The following ARHGAP15 variants were observed in gnomAD, a reference collection of about 807,000 sequenced individuals.
ARHGAP15 encodes rho GTPase-activating protein 15.
A neutral mutation model predicts 63.7 loss-of-function variants in ARHGAP15; 51 were observed. The ratio of observed to expected loss-of-function variants is 0.80; its 90% CI spans 0.64 to 1.01. The LOEUF is 1.01. Among genes scored for constraint, ARHGAP15 ranks in the 50% least tolerant of loss-of-function variants. ARHGAP15 has a pLI of 0.00. For synonymous variants in ARHGAP15, 191 were observed against 193.8 expected, an observed-to-expected ratio of 0.99 and a Z score of 0.12; for missense variants, 560 against 564.6, an observed-to-expected ratio of 0.99 and a Z score of 0.08.
intron 1 of ARHGAP15, among the ~76,000 whole-genome samples, chr2:143,144,168 T>C (rs932635426): frequency 6.6e-6 from 1 of 152,056 alleles, no homozygotes; most frequent in Non-Finnish European, 1.5e-5. Flanking sequence ...CTATTGTTGA[T>C]GGGCATTTAG....
intron 1 of ARHGAP15, among the ~76,000 whole-genome samples, chr2:143,141,305 G>T (rs901895822): frequency 6.6e-6 from 1 of 152,076 alleles, no homozygotes; most frequent in South Asian, 2.1e-4. Flanking sequence ...ACCAATTTCA[G>T]TACTAATTCT....
chr2:143,163,927 G>A (rs1352936225), intron 2 of ARHGAP15, among the ~76,000 whole-genome samples: 1 of 152,058 alleles, frequency 6.6e-6, no homozygotes, highest in East Asian at 1.9e-4. Context: ...GCTCCTCAGA[G>A]AGTGCAGGAG....
At position 143,591,307 on chromosome 2, in the gene ARHGAP15, A is replaced by G. The variant is rs145934955; in HGVS notation, c.1004-32826A>G. Among the ~76,000 whole-genome samples the G allele has an allele frequency of 2.3e-3, 348 of 152,272 alleles. 3 individuals carry two copies. Among genetic ancestry groups the G allele is most frequent in the African/African-American group, 7.8e-3 (326 of 41,564 alleles). On this transcript the variant is annotated intron_variant, in intron 11 of 13. Coordinates refer to ENST00000295095, the MANE Select transcript of ARHGAP15 (RefSeq NM_018460.4). ...AAAATTTTCAAAACATATGCATTAA[A>G]TATAATATTAGATTGTGACAGTCAG... is the stretch of plus-strand genomic sequence containing the variant.
intron 6 of ARHGAP15, among the ~76,000 whole-genome samples, chr2:143,261,058 T>A (rs1238994397): frequency 6.6e-6 from 1 of 152,190 alleles, no homozygotes; most frequent in Non-Finnish European, 1.5e-5. Flanking sequence ...TAGTAAACCT[T>A]GTAGCTATGG....
intron 2 of ARHGAP15, among the ~76,000 whole-genome samples, chr2:143,166,381 G>A (rs187343414): frequency 1.6e-4 from 25 of 152,182 alleles, no homozygotes; most frequent in African/African-American, 4.1e-4. Context: ...AGGAGAACAC[G>A]TTTCATCTAT....
At chr2:143,220,933 G>T (rs1033573168) in intron 4 of ARHGAP15, among the ~76,000 whole-genome samples, 21 of 151,876 alleles carry the variant, frequency 1.4e-4, no homozygotes, top group Admixed American at 5.2e-4. Context: ...TTGTATAAAT[G>T]GAGAAACTCA....
chr2:143,611,578 T>C (rs1189725610), intron 11 of ARHGAP15, among the ~76,000 whole-genome samples: 1 of 152,188 alleles, frequency 6.6e-6, no homozygotes, highest in Non-Finnish European at 1.5e-5. Flanking sequence ...TTGTTACAGT[T>C]GTTGTTATTA....
At chr2:143,406,042 C>G (rs891460737) in intron 6 of ARHGAP15, among the ~76,000 whole-genome samples, 1 of 151,802 alleles carries the variant, frequency 6.6e-6, no homozygotes, top group Admixed American at 6.6e-5. Flanking sequence ...TCTGTCAGAT[C>G]TTTGAATATT....
intron 10 of ARHGAP15, among the ~76,000 whole-genome samples, chr2:143,537,620 A>G (rs1423367028): frequency 6.6e-6 from 1 of 152,200 alleles, no homozygotes; most frequent in African/African-American, 2.4e-5. Context: ...TCCCAGCACC[A>G]TTTATTAAAT....
intron 11 of ARHGAP15, among the ~76,000 whole-genome samples, chr2:143,585,660 A>G (rs1236056898): frequency 6.6e-6 from 1 of 152,218 alleles, no homozygotes; most frequent in Non-Finnish European, 1.5e-5. Context: ...AGCTTCTGAA[A>G]GAAGTGTTTT....
intron 8 of ARHGAP15, among the ~76,000 whole-genome samples, chr2:143,455,526 A>G (rs1040689155): frequency 6.6e-6 from 1 of 152,118 alleles, no homozygotes; most frequent in Non-Finnish European, 1.5e-5. Flanking sequence ...CCGCTATTCA[A>G]GATGGAGTTG....
At chr2:143,658,171 G>T (rs1430195555) in intron 12 of ARHGAP15, among the ~76,000 whole-genome samples, 1 of 152,134 alleles carries the variant, frequency 6.6e-6, no homozygotes, top group African/African-American at 2.4e-5. Context: ...AATGATGGTT[G>T]CAATTATTGA....
chr2:143,137,121 T>A (rs370958187), intron 1 of ARHGAP15, among the ~76,000 whole-genome samples: 1 of 152,118 alleles, frequency 6.6e-6, no homozygotes, highest in East Asian at 1.9e-4. Flanking sequence ...TTTCATGATT[T>A]GCAAGGACCT....
chr2:143,355,624 A>G (rs1685775373), intron 6 of ARHGAP15, among the ~76,000 whole-genome samples: 4 of 152,186 alleles, frequency 2.6e-5, no homozygotes, highest in Admixed American at 2.0e-4. Flanking sequence ...TCAAGGAATT[A>G]TATTTTAAAG....
intron 12 of ARHGAP15, among the ~76,000 whole-genome samples, chr2:143,661,924 C>T (rs1681813924): frequency 6.6e-6 from 1 of 152,234 alleles, no homozygotes; most frequent in Non-Finnish European, 1.5e-5. Flanking sequence ...GTCCTACGCC[C>T]ACAGAGTCTC....
At chr2:143,207,613 C>T (rs1692389423) in intron 3 of ARHGAP15, among the ~76,000 whole-genome samples, 1 of 151,958 alleles carries the variant, frequency 6.6e-6, no homozygotes, top group Non-Finnish European at 1.5e-5. Context: ...TCTCTGAACG[C>T]TTATCTTGCT....
chr2:143,343,173 A>C (rs146545216), intron 6 of ARHGAP15, among the ~76,000 whole-genome samples: 1 of 152,194 alleles, frequency 6.6e-6, no homozygotes, highest in East Asian at 1.9e-4. Context: ...GCACTGGTTA[A>C]AGTTTTTACA....
chr2:143,582,680 A>G (rs1169114699), intron 11 of ARHGAP15, among the ~76,000 whole-genome samples: 2 of 152,194 alleles, frequency 1.3e-5, no homozygotes, highest in Admixed American at 1.3e-4. Flanking sequence ...AAAGATGTGG[A>G]GACAAACTTT....
chr2:143,193,557 C>T lies in ARHGAP15; in HGVS notation c.166-8577C>T, dbSNP rs1299033722. The T allele has an allele frequency of 3.9e-5, 6 of 152,612 alleles. No homozygotes were observed. In the South Asian group the frequency reaches 8.3e-4, roughly 21 times the overall value. 9.5% of individuals were successfully genotyped at this position (152,612 alleles called of 1,614,324 possible). Reference sequence around the variant, plus strand: ...GTGAAGAAAGGAAACTGGGAGGATACAATTATTCTCTATTGACTAAAGATA... The same window carrying T: ...GTGAAGAAAGGAAACTGGGAGGATATAATTATTCTCTATTGACTAAAGATA... On this transcript the variant is annotated intron_variant, in intron 2 of 13. Transcript: ENST00000295095.
Sources: allele counts gnomAD v4.1 joint callset (sites outside exome capture counted in the v4.1 genomes callset), GRCh38; gene constraint gnomAD v4.1.1; transcripts MANE v1.5; gene names NCBI Gene and HGNC (gene_info 2026-07-23, HGNC 2026-07-21).